LRP1B: variants seen among roughly 807,000 people sequenced by gnomAD.
LRP1B encodes low-density lipoprotein receptor-related protein 1B.
Under a neutral mutation model 556.6 loss-of-function variants are expected in LRP1B, and 217 were observed. That is an observed-to-expected ratio of 0.39 (90% CI 0.35 to 0.44). LRP1B has a LOEUF of 0.44. Among genes scored for constraint, LRP1B ranks in the 20% least tolerant of loss-of-function variants. The pLI is 1.00. For missense variants in LRP1B, 5,053 were observed against 5,620.8 expected, an observed-to-expected ratio of 0.90 and a Z score of 3.23; for synonymous variants, 2,047 against 1,865.8, an observed-to-expected ratio of 1.10 and a Z score of -2.50.
At chr2:141,271,702 A>G (rs1272830232) in intron 3 of LRP1B, among the ~76,000 whole-genome samples, 1 of 151,800 alleles carries the variant, frequency 6.6e-6, no homozygotes, top group Admixed American at 6.6e-5. Flanking sequence ...AACCTAGCTT[A>G]TAAGAAATAC....
At chr2:140,344,664 T>C (rs1681561629) in intron 77 of LRP1B, among the ~76,000 whole-genome samples, 1 of 151,792 alleles carries the variant, frequency 6.6e-6, no homozygotes, top group African/African-American at 2.4e-5. Context: ...GAAGTTTATT[T>C]TGGGGCATGC....
chr2:140,265,501 C>T (rs936341045), intron 86 of LRP1B, among the ~76,000 whole-genome samples: 6 of 152,038 alleles, frequency 3.9e-5, no homozygotes, highest in Admixed American at 2.0e-4. Flanking sequence ...AAATTGAAGG[C>T]TACAGTAATA....
chr2:140,751,236 G>T (rs572597321), intron 35 of LRP1B, among the ~76,000 whole-genome samples: 1 of 151,946 alleles, frequency 6.6e-6, no homozygotes, highest in Non-Finnish European at 1.5e-5. Context: ...CAGGTGATCC[G>T]CCTGCCTTGG....
intron 66 of LRP1B, among the ~76,000 whole-genome samples, chr2:140,417,686 T>C (rs1190640533): frequency 6.6e-6 from 1 of 152,302 alleles, no homozygotes; most frequent in South Asian, 2.1e-4. Flanking sequence ...ACTGCACGGC[T>C]TTCTGGTTTC....
intron 20 of LRP1B, among the ~76,000 whole-genome samples, chr2:140,949,808 C>A (rs1695655058): frequency 6.6e-6 from 1 of 151,534 alleles, no homozygotes; most frequent in South Asian, 2.1e-4. Context: ...GGCATGGTGG[C>A]AGGTGCCTGT....
In LRP1B at chr2:140,231,976, A is replaced by T. The variant is rs1680492026; in HGVS notation, c.*1210T>A. The T allele has an allele frequency of 6.6e-6, 1 of 151,626 alleles. No individual in the cohort carries two copies. Among genetic ancestry groups the T allele is most frequent in the Admixed American group, 6.6e-5 (1 of 15,106 alleles). 9.4% of individuals were successfully genotyped at this position (151,626 alleles called of 1,614,324 possible). ...CTCAAATTTGAAGATAAACAAACCA[A>T]ACGTGAATGGGGTCCATGCGTTCTG... On this transcript the variant is annotated 3_prime_UTR_variant, in exon 91 of 91. Transcript: ENST00000389484.
At chr2:140,256,278 C>T (rs1394587254) in intron 86 of LRP1B, among the ~76,000 whole-genome samples, 3 of 151,828 alleles carry the variant, frequency 2.0e-5, no homozygotes, top group African/African-American at 7.3e-5. Context: ...TTTCAGATTA[C>T]TCATTTCTCA....
At chr2:140,691,599 A>G (rs1686247333) in intron 41 of LRP1B, among the ~76,000 whole-genome samples, 1 of 152,198 alleles carries the variant, frequency 6.6e-6, no homozygotes, top group South Asian at 2.1e-4. Context: ...AAATGTGGGA[A>G]TTATATCTCA....
chr2:140,731,764 C>CAAAA lies in LRP1B; in HGVS notation c.5759-14952_5759-14949dup, dbSNP rs36060787. On this transcript the variant is annotated intron_variant, in intron 35 of 90. Coordinates refer to ENST00000389484, the MANE Select transcript of LRP1B (RefSeq NM_018557.3). ...GCCTGGCAACAGAGTGAGACTCCGT[C>CAAAA]AAAAAAAAAAAAAAAAAAAAAAAAA... is the stretch of plus-strand genomic sequence containing the variant. Among the ~76,000 whole-genome samples, 32 of 59,370 alleles carry CAAAA rather than the reference C, an allele frequency of 5.4e-4. 3 individuals carry two copies. The highest frequency in any genetic ancestry group is 1.5e-3 in the East Asian group (3 of 2,028). 38.9% of individuals were successfully genotyped at this position (59,370 alleles called of 152,430 possible). A position where few individuals can be genotyped will look rare whatever the true frequency, so the allele number is the denominator to read the frequency against.
At chr2:140,825,391 T>C (rs1319602091) in intron 31 of LRP1B, among the ~76,000 whole-genome samples, 8 of 152,150 alleles carry the variant, frequency 5.3e-5, no homozygotes, top group Non-Finnish European at 1.2e-4. Context: ...CTTTTGGTCA[T>C]GTTGTCTCCC....
chr2:142,067,476 GA>G (rs1303959940), intron 1 of LRP1B, among the ~76,000 whole-genome samples: 1 of 151,114 alleles, frequency 6.6e-6, no homozygotes, highest in Non-Finnish European at 1.5e-5. Context: ...CATGTTCTTT[GA>G]AAAAAAGAGT....
At chr2:141,504,031 T>C (rs1485560425) in intron 2 of LRP1B, among the ~76,000 whole-genome samples, 1 of 152,184 alleles carries the variant, frequency 6.6e-6, no homozygotes, top group Non-Finnish European at 1.5e-5. Flanking sequence ...ATTGGATTTC[T>C]GCCACCTCCA....
chr2:140,270,947 AC>A (rs758772473), intron 85 of LRP1B, among the ~76,000 whole-genome samples: 30 of 151,982 alleles, frequency 2.0e-4, no homozygotes, highest in Admixed American at 9.9e-4. Flanking sequence ...TCATAAAAAA[AC>A]AGTTATGTTA....
At chr2:141,574,259 C>T (rs1686652915) in intron 2 of LRP1B, among the ~76,000 whole-genome samples, 1 of 152,206 alleles carries the variant, frequency 6.6e-6, no homozygotes, top group South Asian at 2.1e-4. Flanking sequence ...ATCAAATCAG[C>T]TTCATCCCTG....
At chr2:141,034,921 G>A (rs1451457335) in intron 11 of LRP1B, among the ~76,000 whole-genome samples, 52 of 151,850 alleles carry the variant, frequency 3.4e-4, no homozygotes, top group Admixed American at 9.2e-4. Context: ...TGTTTATTGC[G>A]GCACTATTCA....
At chr2:141,946,792 C>A (rs1700966139) in intron 1 of LRP1B, among the ~76,000 whole-genome samples, 1 of 152,090 alleles carries the variant, frequency 6.6e-6, no homozygotes, top group African/African-American at 2.4e-5. Flanking sequence ...ATCTCACCGA[C>A]ATTATTTGTT....
intron 7 of LRP1B, 86 bp from the exon 8 acceptor site, chr2:141,062,359 T>C (rs1043453925): frequency 2.3e-5 from 18 of 788,874 alleles, no homozygotes; most frequent in Non-Finnish European, 3.4e-5. Flanking sequence ...CAGAACTTTT[T>C]CTTCTAATTT....
intron 11 of LRP1B, among the ~76,000 whole-genome samples, chr2:141,047,419 C>T (rs983466072): frequency 2.0e-5 from 3 of 152,046 alleles, no homozygotes; most frequent in Admixed American, 1.3e-4. Context: ...AGAATATTCT[C>T]ATGCTCTCAT....
intron 2 of LRP1B, among the ~76,000 whole-genome samples, chr2:141,498,870 T>C (rs1338611672): frequency 6.6e-6 from 1 of 152,080 alleles, no homozygotes; most frequent in East Asian, 1.9e-4. Context: ...ATCTCTAAAA[T>C]TCAGTGAGGG....
Sources: allele counts gnomAD v4.1 joint callset (sites outside exome capture counted in the v4.1 genomes callset), GRCh38; gene constraint gnomAD v4.1.1; transcripts MANE v1.5; gene names NCBI Gene and HGNC (gene_info 2026-07-23, HGNC 2026-07-21).